The following COL26A1 variants were observed in gnomAD, a reference collection of about 807,000 sequenced individuals.
COL26A1 encodes collagen type XXVI alpha 1 chain.
In COL26A1, 41 loss-of-function variants were observed where a neutral mutation model predicts 59.3. That is an observed-to-expected ratio of 0.69 (90% confidence interval 0.54 to 0.90). The LOEUF (loss-of-function observed/expected upper bound fraction) is 0.90. Among genes scored for constraint, COL26A1 ranks in the 40% least tolerant of loss-of-function variants. COL26A1 has a pLI of 0.00. For missense variants in COL26A1, 612 were observed against 602.3 expected (o/e 1.02, Z -0.17); for synonymous variants, 266 against 256.0 (o/e 1.04, Z -0.37).
intron 3 of COL26A1, among the ~76,000 whole-genome samples, chr7:101,515,014 A>G (rs17135574): frequency 0.18 from 28,015 of 152,162 alleles, 3,042 homozygotes; most frequent in African/African-American, 0.3. Context: ...TCCCATCTGC[A>G]CCTTCGTGAG....
intron 3 of COL26A1, among the ~76,000 whole-genome samples, chr7:101,527,426 C>G (rs1245870191): frequency 6.6e-6 from 1 of 152,054 alleles, no homozygotes; most frequent in Non-Finnish European, 1.5e-5. Context: ...CTCCCAGGTT[C>G]AAGCAATTCT....
chr7:101,465,648 C>T (rs1793739774), intron 3 of COL26A1, among the ~76,000 whole-genome samples: 2 of 141,852 alleles, frequency 1.4e-5, no homozygotes, highest in South Asian at 4.5e-4. Context: ...GAGCCGAGAT[C>T]ATGCCATTGC....
intron 3 of COL26A1, among the ~76,000 whole-genome samples, chr7:101,499,956 G>A (rs1368818720): frequency 1.3e-5 from 2 of 151,888 alleles, no homozygotes; most frequent in African/African-American, 4.8e-5. Context: ...GTGGGTAGGG[G>A]CAGTGTTCTA....
intron 3 of COL26A1, among the ~76,000 whole-genome samples, chr7:101,484,203 A>C (rs1794220147): frequency 6.6e-6 from 1 of 152,060 alleles, no homozygotes; most frequent in Non-Finnish European, 1.5e-5. Flanking sequence ...TGCCTGGTTC[A>C]GGTCTTACAT....
intron 3 of COL26A1, among the ~76,000 whole-genome samples, chr7:101,500,808 G>C (rs1021466925): frequency 6.6e-6 from 1 of 152,054 alleles, no homozygotes. Flanking sequence ...GCAACAGAGC[G>C]AGACGCTGTC....
intron 1 of COL26A1, among the ~76,000 whole-genome samples, chr7:101,419,105 C>T (rs1483915754): frequency 3.8e-5 from 5 of 129,994 alleles, no homozygotes; most frequent in African/African-American, 1.2e-4. Context: ...CCTCCCCTCC[C>T]CTCCCCTCTT....
At chr7:101,482,897 C>T (rs1202335529) in intron 3 of COL26A1, among the ~76,000 whole-genome samples, 8 of 152,090 alleles carry the variant, frequency 5.3e-5, no homozygotes, top group East Asian at 3.9e-4. Flanking sequence ...GCGGAGGTTG[C>T]AGTGAGACAA....
At chr7:101,429,203 T>C (rs569996331) in intron 2 of COL26A1, among the ~76,000 whole-genome samples, 1 of 152,172 alleles carries the variant, frequency 6.6e-6, no homozygotes, top group African/African-American at 2.4e-5. Flanking sequence ...GGATTACAGG[T>C]GTGAGCCACC....
chr7:101,426,689 G>T (rs1792656768), intron 2 of COL26A1, among the ~76,000 whole-genome samples: 1 of 152,170 alleles, frequency 6.6e-6, no homozygotes, highest in African/African-American at 2.4e-5. Flanking sequence ...TGCCTCAAGA[G>T]GTTCTTGGAA....
chr7:101,425,663 A>ATT (rs34087485), intron 2 of COL26A1, among the ~76,000 whole-genome samples: 82 of 149,748 alleles, frequency 5.5e-4, no homozygotes, highest in Non-Finnish European at 9.5e-4. Context: ...CACCTGGCTA[A>ATT]TTTTTTTTTC....
At chr7:101,433,045 G>A (rs926961621) in intron 2 of COL26A1, among the ~76,000 whole-genome samples, 5 of 152,152 alleles carry the variant, frequency 3.3e-5, no homozygotes, top group Admixed American at 1.3e-4. Context: ...CCACTGGACC[G>A]GACGTGGTGG....
Position 101,530,455 on chromosome 7 carries a change from C to T in COL26A1, c.386-2627C>T, listed in dbSNP as rs545743602. ...TGGTGATGCGTGCCTGTAATCCTAG[C>T]TACCCGGGAGGCTGAGGCAGGAGAA... On this transcript the variant is annotated intron_variant, in intron 3 of 12. Transcript: ENST00000313669. 3.3e-5 allele frequency among the ~76,000 whole-genome samples: 5 copies of T among 151,402 alleles called. 1 individual carries two copies. The highest frequency in any genetic ancestry group is 1.2e-4 in the African/African-American group (5 of 41,182).
intron 5 of COL26A1, among the ~76,000 whole-genome samples, chr7:101,541,812 G>A (rs1489121013): frequency 1.3e-5 from 2 of 152,146 alleles, no homozygotes; most frequent in African/African-American, 4.8e-5. Flanking sequence ...AGACACTGAG[G>A]TGGGGCTTTA....
chr7:101,475,222 A>G (rs1350852127), intron 3 of COL26A1, among the ~76,000 whole-genome samples: 1 of 151,424 alleles, frequency 6.6e-6, no homozygotes, highest in East Asian at 1.9e-4. Flanking sequence ...ACCTCATCAT[A>G]ACAAACTGGG....
intron 1 of COL26A1, among the ~76,000 whole-genome samples, chr7:101,414,432 T>TGTGTGTGTGTGTGTGTG (rs1792324399): frequency 6.8e-6 from 1 of 146,180 alleles, no homozygotes; most frequent in African/African-American, 2.5e-5. Flanking sequence ...CACTCTGTGT[T>TGTGTGTGTGTGTGTGTG]TGTGTGTGTG....
chr7:101,542,435 G>T (rs146967824), intron 5 of COL26A1, among the ~76,000 whole-genome samples: 3,976 of 152,246 alleles, frequency 0.026, 68 homozygotes, highest in Middle Eastern at 0.041. Context: ...CACAAAGCTT[G>T]GAAGCCTTGA....
At chr7:101,405,140 T>G (rs1792098385) in intron 1 of COL26A1, among the ~76,000 whole-genome samples, 1 of 144,374 alleles carries the variant, frequency 6.9e-6, no homozygotes, top group Admixed American at 6.9e-5. Context: ...GAGAATGGCG[T>G]GAACCCCGGG....
chr7:101,434,612 G>C (rs1317409714), intron 2 of COL26A1, among the ~76,000 whole-genome samples: 1 of 151,738 alleles, frequency 6.6e-6, no homozygotes, highest in Non-Finnish European at 1.5e-5. Flanking sequence ...GTGTGAGTGA[G>C]TGTGTTGGTG....
intron 3 of COL26A1, among the ~76,000 whole-genome samples, chr7:101,502,600 C>T (rs535102704): frequency 2.6e-5 from 4 of 152,006 alleles, no homozygotes; most frequent in Admixed American, 1.3e-4. Context: ...GGACCGGGGC[C>T]GGAGTTGGGC....
Sources: allele counts gnomAD v4.1 joint callset (sites outside exome capture counted in the v4.1 genomes callset), GRCh38; gene constraint gnomAD v4.1.1; transcripts MANE v1.5; gene names NCBI Gene and HGNC (gene_info 2026-07-23, HGNC 2026-07-21).